ARL6IP5: variants seen among roughly 807,000 people sequenced by gnomAD.
The protein encoded by ARL6IP5 is ARF like GTPase 6 interacting protein 5.
Under a neutral mutation model 13.0 loss-of-function variants are expected in ARL6IP5, and 6 were observed. The observed-to-expected ratio is 0.46, with a 90% CI of 0.25 to 0.91. The LOEUF (loss-of-function observed/expected upper bound fraction) is 0.91. Among genes scored for constraint, ARL6IP5 ranks in the 40% least tolerant of loss-of-function variants. ARL6IP5 has a pLI of 0.17. For synonymous variants in ARL6IP5, 91 were observed against 91.9 expected, an observed-to-expected ratio of 0.99 and a Z score of 0.06; for missense variants, 208 against 248.8, an observed-to-expected ratio of 0.84 and a Z score of 1.10.
chr3:69,092,286 A>G (rs17005347), intron 1 of ARL6IP5, among the ~76,000 whole-genome samples: 4,016 of 152,276 alleles, frequency 0.026, 80 homozygotes, highest in East Asian at 0.042. Context: ...TTCATATCTC[A>G]TTGGTGCAGC....
chr3:69,085,173 T>C lies in ARL6IP5; in HGVS notation c.126T>C (p.Tyr42=), dbSNP rs1378738650. The stretch of plus-strand genomic sequence containing the variant: ...ACCGCGTAGTGAGCAACCTGCTCTA[T>C]TACCAGACCAACTACCTGGTGGTGG... ...WNNRVVSNLL[Y]YQTNYLVVAA... Residue 42 remains tyrosine (Y), a synonymous_variant, in exon 1 of 3, where the codon TAT becomes TAC. Transcript: ENST00000273258. 6.2e-7 allele frequency: 1 copy of C among 1,614,178 alleles called. No individual in the cohort carries two copies.
At position 69,089,082 on chromosome 3, in the gene ARL6IP5, T is replaced by C. The variant is rs139592855; in HGVS notation, c.176+3859T>C. Among the ~76,000 whole-genome samples, 487 of 152,336 alleles carry C rather than the reference T, an allele frequency of 3.2e-3. 2 individuals carry two copies. The highest frequency in any genetic ancestry group is 0.011 in the African/African-American group (467 of 41,568). ...CCATTTCAGACCTACTGGGTTAGAA[T>C]CTACATTTTAACAAAAGTCTCAGAT... On this transcript the variant is annotated intron_variant, in intron 1 of 2. Coordinates refer to ENST00000273258, the MANE Select transcript of ARL6IP5 (RefSeq NM_006407.4).
intron 1 of ARL6IP5, among the ~76,000 whole-genome samples, chr3:69,085,730 T>C (rs1046397024): frequency 4.6e-5 from 7 of 152,080 alleles, no homozygotes; most frequent in African/African-American, 1.7e-4. Context: ...ACAGTAAAGC[T>C]GAGCTTGGGA....
intron 1 of ARL6IP5, among the ~76,000 whole-genome samples, chr3:69,085,746 A>AGGG (rs556401244): frequency 6.6e-6 from 1 of 151,850 alleles, no homozygotes; most frequent in Non-Finnish European, 1.5e-5. Flanking sequence ...TGGGATCAAA[A>AGGG]GGGGGGGTGT....
chr3:69,104,638 C>T lies in ARL6IP5; in HGVS notation c.*2C>T, dbSNP rs746232068. 3.7e-6 allele frequency: 6 copies of T among 1,612,354 alleles called. No homozygotes were observed. Among genetic ancestry groups the T allele is most frequent in the Non-Finnish European group, 5.1e-6 (6 of 1,179,002 alleles). On this transcript the variant is annotated 3_prime_UTR_variant, in exon 3 of 3. Transcript: ENST00000273258. Reference sequence around the variant, plus strand: ...TATATCAGCAAAGTGAAGGAATAAACATAACTTACCTGAGCTAGGGTTGCA... The same window carrying T: ...TATATCAGCAAAGTGAAGGAATAAATATAACTTACCTGAGCTAGGGTTGCA...
rs747095530 is a variant in ARL6IP5, at chr3:69,085,111, G to T, written c.64G>T (p.Ala22Ser). The T allele has an allele frequency of 1.2e-6, 2 of 1,614,180 alleles. No homozygotes were observed. The highest frequency in any genetic ancestry group is 2.2e-5 in the East Asian group (1 of 44,884). ...DDFFPGSDRF[A>S]RPDFRDISKW... ...TTTCTTCCCGGGTTCCGATCGCTTT[G>T]CCCGGCCGGACTTCAGGGACATTTC... Residue 22 changes from alanine to serine, a missense_variant, in exon 1 of 3, where the codon GCC becomes TCC. Ala to Ser is a moderately conservative substitution (Grantham distance 99, BLOSUM62 1). Transcript: ENST00000273258.
At chr3:69,092,323 T>C (rs1266629605) in intron 1 of ARL6IP5, among the ~76,000 whole-genome samples, 1 of 152,164 alleles carries the variant, frequency 6.6e-6, no homozygotes, top group Non-Finnish European at 1.5e-5. Flanking sequence ...GGAAAAAGAA[T>C]GCAGAAATTG....
Position 69,096,840 on chromosome 3 carries a change from G to A in ARL6IP5, c.177-4999G>A, listed in dbSNP as rs571341143. Among the ~76,000 whole-genome samples, 13 of 152,008 alleles carry A rather than the reference G, an allele frequency of 8.6e-5. No homozygotes were observed. In the South Asian group the frequency reaches 2.7e-3, roughly 32 times the overall value. ...GATGGTCTTGATCTCCTGACCTTGT[G>A]ATCCACCTGCCTCAGCCTCCCAAAG... On this transcript the variant is annotated intron_variant, in intron 1 of 2. Coordinates refer to ENST00000273258, the MANE Select transcript of ARL6IP5 (RefSeq NM_006407.4).
intron 1 of ARL6IP5, among the ~76,000 whole-genome samples, chr3:69,098,123 C>G (rs2092292913): frequency 6.6e-6 from 1 of 151,494 alleles, no homozygotes; most frequent in Non-Finnish European, 1.5e-5. Context: ...GTCACCCAGG[C>G]TGGAGTGCAG....
chr3:69,097,121 T>C (rs554511772), intron 1 of ARL6IP5, among the ~76,000 whole-genome samples: 1 of 152,276 alleles, frequency 6.6e-6, no homozygotes, highest in South Asian at 2.1e-4. Context: ...TATCCTACTA[T>C]ACTGTAGTCT....
At chr3:69,104,263 G>GA (rs35189946) in intron 2 of ARL6IP5, among the ~76,000 whole-genome samples, 4 of 151,944 alleles carry the variant, frequency 2.6e-5, no homozygotes, top group African/African-American at 9.7e-5. Context: ...CTTTAATGCA[G>GA]AAAAAAAACT....
intron 1 of ARL6IP5, among the ~76,000 whole-genome samples, chr3:69,088,975 G>A (rs115834179): frequency 1.1e-3 from 167 of 152,286 alleles, no homozygotes; most frequent in African/African-American, 3.9e-3. Flanking sequence ...GATTTGAGCT[G>A]GAGAACTCTG....
chr3:69,100,308 A>G (rs747369932), intron 1 of ARL6IP5, among the ~76,000 whole-genome samples: 3 of 152,240 alleles, frequency 2.0e-5, no homozygotes, highest in African/African-American at 4.8e-5. Context: ...TGGCTTATAT[A>G]AGAATGAATC....
intron 1 of ARL6IP5, among the ~76,000 whole-genome samples, chr3:69,096,663 G>T (rs1238344572): frequency 2.1e-5 from 3 of 143,972 alleles, no homozygotes; most frequent in Non-Finnish European, 4.5e-5. Context: ...GAGTGCAGTG[G>T]CACAATCTCG....
intron 1 of ARL6IP5, among the ~76,000 whole-genome samples, chr3:69,097,307 G>C (rs576614199): frequency 6.6e-6 from 1 of 151,052 alleles, no homozygotes; most frequent in African/African-American, 2.4e-5. Flanking sequence ...CTATAGGTGT[G>C]TGCTGCCACA....
intron 1 of ARL6IP5, among the ~76,000 whole-genome samples, chr3:69,100,931 A>C (rs1214118353): frequency 1.3e-5 from 2 of 152,138 alleles, no homozygotes; most frequent in Non-Finnish European, 2.9e-5. Flanking sequence ...CCAGCTGTTG[A>C]CATGTGGGAA....
intron 1 of ARL6IP5, among the ~76,000 whole-genome samples, chr3:69,095,749 C>T (rs2092284998): frequency 6.6e-6 from 1 of 152,198 alleles, no homozygotes. Context: ...CCCACCTCAG[C>T]CTCCCAAAGT....
chr3:69,096,072 G>C (rs1048766793), intron 1 of ARL6IP5, among the ~76,000 whole-genome samples: 4 of 152,164 alleles, frequency 2.6e-5, no homozygotes, highest in African/African-American at 9.6e-5. Flanking sequence ...TCCAAATACA[G>C]GTAAGTGCCA....
At chr3:69,095,914 G>A (rs748266298) in intron 1 of ARL6IP5, among the ~76,000 whole-genome samples, 22 of 152,140 alleles carry the variant, frequency 1.4e-4, no homozygotes, top group Non-Finnish European at 2.9e-4. Flanking sequence ...AAGTCTTTGG[G>A]GTTTGTCGTG....
Sources: gnomAD v4.1 joint callset for allele counts (sites outside exome capture counted in the v4.1 genomes callset) on GRCh38, gnomAD v4.1.1 for gene constraint, MANE v1.5 for transcripts, NCBI Gene and HGNC (gene_info 2026-07-23, HGNC 2026-07-21) for gene names.